The following UBASH3B variants were observed in gnomAD, a reference collection of about 807,000 sequenced individuals.
The protein encoded by UBASH3B is ubiquitin associated and SH3 domain containing B, also known as ubiquitin-associated and SH3 domain-containing protein B.
In UBASH3B, 37 loss-of-function variants were observed where a neutral mutation model predicts 83.4. That is an observed-to-expected ratio of 0.44 (90% CI 0.34 to 0.58). UBASH3B has a LOEUF of 0.58. Ranked by LOEUF, UBASH3B falls within the 20% of genes least tolerant of loss-of-function variation. The probability of loss-of-function intolerance (pLI) is 0.01; values close to 1 mark genes in which losing one functional copy is unlikely to be tolerated. For missense variants in UBASH3B, 657 were observed against 827.2 expected (o/e 0.79, Z 2.52); for synonymous variants, 304 against 318.3 (o/e 0.96, Z 0.48).
chr11:122,702,319 A>G (rs1864050491), intron 1 of UBASH3B, among the ~76,000 whole-genome samples: 1 of 152,182 alleles, frequency 6.6e-6, no homozygotes, highest in Non-Finnish European at 1.5e-5. Context: ...AGTCTAAAAT[A>G]AAGATCTTTT....
At chr11:122,710,415 A>G (rs556111216) in intron 1 of UBASH3B, among the ~76,000 whole-genome samples, 2 of 152,244 alleles carry the variant, frequency 1.3e-5, no homozygotes, top group South Asian at 4.1e-4. Context: ...TTCTGCACAC[A>G]TTATCTCTGT....
chr11:122,693,873 AAAAAAT>A (rs1262685237), intron 1 of UBASH3B, among the ~76,000 whole-genome samples: 1 of 152,152 alleles, frequency 6.6e-6, no homozygotes. Context: ...TCTGTCTCGA[AAAAAAT>A]AAAAATAAGA....
At chr11:122,728,963 C>T (rs1025886795) in intron 1 of UBASH3B, among the ~76,000 whole-genome samples, 10 of 151,918 alleles carry the variant, frequency 6.6e-5, no homozygotes, top group South Asian at 2.1e-4. Flanking sequence ...CCCGGTCAGA[C>T]GGGGACAGAG....
At chr11:122,750,845 C>T (rs1453273769) in intron 1 of UBASH3B, among the ~76,000 whole-genome samples, 1 of 152,310 alleles carries the variant, frequency 6.6e-6, no homozygotes, top group East Asian at 1.9e-4. Context: ...AAATGCTTGC[C>T]CCTCTTGTCA....
chr11:122,772,502 G>C (rs1048873363), intron 1 of UBASH3B, among the ~76,000 whole-genome samples: 5 of 152,168 alleles, frequency 3.3e-5, no homozygotes, highest in African/African-American at 1.2e-4. Flanking sequence ...AAGAGAGAGA[G>C]GGAAGGAGGA....
At position 122,688,672 on chromosome 11, in the gene UBASH3B, G is replaced by C. The variant is rs1463914438; in HGVS notation, c.161+32462G>C. ...TTTATTTTATTTTTTTGAGACGGAG[G>C]CTTGCTCTGTTGCCCAGGCTGGAGT... On this transcript the variant is annotated intron_variant, in intron 1 of 13. Coordinates refer to ENST00000284273, the MANE Select transcript of UBASH3B (RefSeq NM_032873.5). 5.8e-5 allele frequency among the ~76,000 whole-genome samples: 6 copies of C among 104,154 alleles called. No homozygotes were observed. In the East Asian group the frequency reaches 1.4e-3, roughly 24 times the overall value. The allele number at this position is 104,154 out of a possible 152,430, so 68.3% of individuals were successfully genotyped here.
intron 4 of UBASH3B, among the ~76,000 whole-genome samples, chr11:122,780,729 C>T (rs904687008): frequency 6.6e-6 from 1 of 152,174 alleles, no homozygotes; most frequent in African/African-American, 2.4e-5. Flanking sequence ...GGGCGGGTGG[C>T]AGGAGCACAG....
chr11:122,665,349 A>T (rs1206096155), intron 1 of UBASH3B, among the ~76,000 whole-genome samples: 1 of 152,098 alleles, frequency 6.6e-6, no homozygotes, highest in Non-Finnish European at 1.5e-5. Flanking sequence ...GGATAATTTT[A>T]AAATTTATTT....
At chr11:122,695,222 C>T (rs935142306) in intron 1 of UBASH3B, among the ~76,000 whole-genome samples, 3 of 152,126 alleles carry the variant, frequency 2.0e-5, no homozygotes, top group African/African-American at 4.8e-5. Flanking sequence ...TCTTGGCCTC[C>T]CAAAGTGCTG....
At chr11:122,793,452 C>T (rs573188715) in intron 6 of UBASH3B, among the ~76,000 whole-genome samples, 1 of 152,296 alleles carries the variant, frequency 6.6e-6, no homozygotes, top group South Asian at 2.1e-4. Context: ...GTAGCCTAAA[C>T]GGGTTGCCTC....
At chr11:122,658,318 A>T (rs968861252) in intron 1 of UBASH3B, among the ~76,000 whole-genome samples, 1 of 152,196 alleles carries the variant, frequency 6.6e-6, no homozygotes, top group Non-Finnish European at 1.5e-5. Context: ...AAGGGAAGAA[A>T]TACTTAACTG....
At position 122,776,239 on chromosome 11, in the gene UBASH3B, C is replaced by T. The variant is rs376497132; in HGVS notation, c.182C>T (p.Thr61Met). 3.1e-6 allele frequency: 5 copies of T among 1,609,068 alleles called. No homozygotes were observed. Among genetic ancestry groups the T allele is most frequent in the South Asian group, 1.1e-5 (1 of 90,248 alleles). Residue 61 changes from threonine to methionine, a missense_variant, in exon 2 of 14, where the codon ACG becomes ATG. By Grantham distance (81) the Thr-to-Met change is moderately conservative (BLOSUM62 -1). Transcript: ENST00000284273. ...TTCAGACAAAAAGCCTTGGCATCCACGGGAGGAAGAAGTGTTCAGGCAGCA... is the reference window on the plus strand; with the variant it reads ...TTCAGACAAAAAGCCTTGGCATCCATGGGAGGAAGAAGTGTTCAGGCAGCA... ...RARAQKALAS[T>M]GGRSVQAACD...
chr11:122,673,836 A>G (rs576579234), intron 1 of UBASH3B, among the ~76,000 whole-genome samples: 9 of 152,378 alleles, frequency 5.9e-5, no homozygotes, highest in African/African-American at 1.4e-4. Context: ...AAAGAAGATC[A>G]TGATGAAGAA....
intron 1 of UBASH3B, among the ~76,000 whole-genome samples, chr11:122,692,446 A>C (rs915666315): frequency 4.6e-5 from 7 of 152,222 alleles, no homozygotes; most frequent in African/African-American, 1.4e-4. Context: ...CTCATAATTT[A>C]CCGAATTACA....
At chr11:122,730,580 A>C (rs945582393) in intron 1 of UBASH3B, among the ~76,000 whole-genome samples, 17 of 149,540 alleles carry the variant, frequency 1.1e-4, no homozygotes, top group African/African-American at 3.4e-4. Context: ...TGTGATGCAA[A>C]TATTTGGATT....
At chr11:122,699,407 A>C (rs1420053147) in intron 1 of UBASH3B, among the ~76,000 whole-genome samples, 1 of 152,290 alleles carries the variant, frequency 6.6e-6, no homozygotes, top group East Asian at 1.9e-4. Context: ...CCTCTATGCT[A>C]TCTCTTCTTC....
chr11:122,714,683 G>C (rs1431075679), intron 1 of UBASH3B, among the ~76,000 whole-genome samples: 1 of 152,170 alleles, frequency 6.6e-6, no homozygotes, highest in East Asian at 1.9e-4. Flanking sequence ...CTGATGGTGA[G>C]AATTAAGCCT....
intron 1 of UBASH3B, among the ~76,000 whole-genome samples, chr11:122,674,694 C>G (rs1015814381): frequency 6.9e-6 from 1 of 145,226 alleles, no homozygotes; most frequent in Non-Finnish European, 1.5e-5. Flanking sequence ...ACATTGTCTT[C>G]TTACTCAGCA....
intron 1 of UBASH3B, among the ~76,000 whole-genome samples, chr11:122,763,718 G>T (rs1220180462): frequency 6.6e-6 from 1 of 152,178 alleles, no homozygotes; most frequent in Admixed American, 6.5e-5. Flanking sequence ...AACTGAAAGG[G>T]TTCACCACCA....
Sources: gnomAD v4.1 joint callset for allele counts (sites outside exome capture counted in the v4.1 genomes callset) on GRCh38, gnomAD v4.1.1 for gene constraint, MANE v1.5 for transcripts, NCBI Gene and HGNC (gene_info 2026-07-23, HGNC 2026-07-21) for gene names.